The following SPOPL variants were observed in gnomAD, a reference collection of about 807,000 sequenced individuals.
SPOPL encodes speckle-type POZ protein-like.
SPOPL carries 23 observed loss-of-function variants against 53.8 expected under a neutral mutation model. The ratio of observed to expected loss-of-function variants is 0.43; its 90% confidence interval spans 0.31 to 0.61. SPOPL has a LOEUF of 0.61. Ranked by LOEUF, SPOPL falls within the 20% of genes least tolerant of loss-of-function variation. The pLI, the probability that SPOPL is intolerant of heterozygous loss-of-function variation, is 0.12. For synonymous variants in SPOPL, 164 were observed against 149.7 expected (o/e 1.10, Z -0.70); for missense variants, 442 against 466.9 (o/e 0.95, Z 0.49).
intron 1 of SPOPL, among the ~76,000 whole-genome samples, chr2:138,509,009 A>G (rs1684272340): frequency 6.6e-6 from 1 of 152,166 alleles, no homozygotes; most frequent in Non-Finnish European, 1.5e-5. Flanking sequence ...GATAATTATT[A>G]GCATTATATT....
At chr2:138,568,895 A>G (rs761923353) in intron 10 of SPOPL, 41 bp from the exon 11 acceptor site, 1 of 1,606,998 alleles carries the variant, frequency 6.2e-7, no homozygotes, top group Admixed American at 1.7e-5. Flanking sequence ...TGCATTTTGA[A>G]AAGTATTCTT....
intron 1 of SPOPL, among the ~76,000 whole-genome samples, chr2:138,539,965 G>C (rs1685031096): frequency 6.6e-6 from 1 of 152,046 alleles, no homozygotes; most frequent in African/African-American, 2.4e-5. Context: ...TCTACATATG[G>C]CTAGCCAGTT....
chr2:138,566,696 A>G (rs1685665497), intron 10 of SPOPL, among the ~76,000 whole-genome samples: 1 of 152,218 alleles, frequency 6.6e-6, no homozygotes, highest in Non-Finnish European at 1.5e-5. Flanking sequence ...ACATTACTCT[A>G]GCATCTTCTG....
intron 3 of SPOPL, 51 bp from the exon 4 acceptor site, chr2:138,550,849 CGAA>C: frequency 6.5e-7 from 1 of 1,540,318 alleles, no homozygotes; most frequent in Non-Finnish European, 8.8e-7. Context: ...CTCTCTCTCT[CGAA>C]TGCTTTTCAA....
Position 138,572,700 on chromosome 2 carries a change from G to GCACA in SPOPL, c.*3623_*3626dup, listed in dbSNP as rs1297717243. The GCACA allele has an allele frequency of 2.6e-5, 4 of 152,476 alleles. No individual in the cohort carries two copies. The highest frequency in any genetic ancestry group is 9.7e-5 in the African/African-American group (4 of 41,404). 9.4% of individuals were successfully genotyped at this position (152,476 alleles called of 1,614,324 possible). A position where few individuals can be genotyped will look rare whatever the true frequency, so the allele number is the denominator to read the frequency against. ...GACAGCTATAAAGACAGCACTTTCCGCACACAAAGTGTATTTTACAAACCT... is the reference window on the plus strand; with the variant it reads ...GACAGCTATAAAGACAGCACTTTCCGCACACACACAAAGTGTATTTTACAAACCT... On this transcript the variant is annotated 3_prime_UTR_variant, in exon 11 of 11. Transcript: ENST00000280098.
intron 3 of SPOPL, 57 bp from the exon 4 acceptor site, chr2:138,550,846 T>TCTCTCG: frequency 1.3e-6 from 2 of 1,545,382 alleles, no homozygotes; most frequent in Non-Finnish European, 1.7e-6. Flanking sequence ...TCTCTCTCTC[T>TCTCTCG]CTCGAATGCT....
intron 1 of SPOPL, among the ~76,000 whole-genome samples, chr2:138,529,141 A>G (rs1684744766): frequency 6.6e-6 from 1 of 152,166 alleles, no homozygotes; most frequent in South Asian, 2.1e-4. Context: ...ATATTTGGGG[A>G]GAAAAATTAT....
At chr2:138,550,080 CTG>C in intron 1 of SPOPL, 75 bp from the exon 2 acceptor site, 1 of 636,174 alleles carries the variant, frequency 1.6e-6, no homozygotes, top group South Asian at 2.2e-5. Flanking sequence ...TGTTTCATGT[CTG>C]TTTAAATATG....
At chr2:138,527,364 A>G (rs575423699) in intron 1 of SPOPL, among the ~76,000 whole-genome samples, 6 of 152,256 alleles carry the variant, frequency 3.9e-5, no homozygotes, top group East Asian at 1.9e-4. Context: ...GACCTCGTCA[A>G]TCTGACCCAC....
chr2:138,542,037 T>C lies in SPOPL; in HGVS notation c.-60-8120T>C, dbSNP rs146343666. Among the ~76,000 whole-genome samples the C allele has an allele frequency of 9.4e-3, 1,426 of 152,330 alleles. 26 individuals carry two copies. Among genetic ancestry groups the C allele is most frequent in the African/African-American group, 0.033 (1,357 of 41,562 alleles). On this transcript the variant is annotated intron_variant, in intron 1 of 10. Coordinates refer to ENST00000280098, the MANE Select transcript of SPOPL (RefSeq NM_001001664.3). Reference sequence around the variant, plus strand: ...AGCAGGTTGTTCAGTTTCCATGTAATTGAGTGGTTTTGAGTGAGTTTCTTA... The same window carrying C: ...AGCAGGTTGTTCAGTTTCCATGTAACTGAGTGGTTTTGAGTGAGTTTCTTA...
At chr2:138,565,212 T>C (rs1342365754) in intron 10 of SPOPL, among the ~76,000 whole-genome samples, 1 of 152,214 alleles carries the variant, frequency 6.6e-6, no homozygotes, top group East Asian at 1.9e-4. Context: ...CTGTAATATC[T>C]TAAGCGCATA....
intron 1 of SPOPL, among the ~76,000 whole-genome samples, chr2:138,516,054 CAAA>C (rs369306418): frequency 6.6e-6 from 1 of 151,528 alleles, no homozygotes; most frequent in Non-Finnish European, 1.5e-5. Context: ...AGCTAAAAAA[CAAA>C]AAAAACAGAA....
intron 5 of SPOPL, chr2:138,554,502 C>T: frequency 7.8e-7 from 1 of 1,289,524 alleles, no homozygotes; most frequent in East Asian, 5.6e-5. Context: ...AGAACTGCCT[C>T]CTCCCCCTCC....
chr2:138,503,748 C>T (rs1414366863), intron 1 of SPOPL, among the ~76,000 whole-genome samples: 2 of 152,146 alleles, frequency 1.3e-5, no homozygotes, highest in Admixed American at 6.5e-5. Context: ...ATAACAGATT[C>T]ATCATACTGG....
Position 138,559,145 on chromosome 2 carries a change from T to C in SPOPL, c.604T>C (p.Cys202Arg), listed in dbSNP as rs1417252612. Residue 202 changes from cysteine (C) to arginine (R), a missense_variant, in exon 6 of 11, where the codon TGC (cysteine) becomes CGC (arginine). By Grantham distance (180) the Cys-to-Arg change is radical. Coordinates refer to ENST00000280098, the MANE Select transcript of SPOPL (RefSeq NM_001001664.3). ...NLWENTRFTD[C>R]SFFVRGQEFK... ...CTGGGAAAACACAAGATTTACAGAC[T>C]GCAGTTTTTTCGTGAGAGGACAAGA... The C allele has an allele frequency of 6.2e-7, 1 of 1,613,696 alleles. No individual in the cohort carries two copies. Among genetic ancestry groups the C allele is most frequent in the Non-Finnish European group, 8.5e-7 (1 of 1,179,848 alleles).
At chr2:138,566,865 A>G (rs2104908147) in intron 10 of SPOPL, among the ~76,000 whole-genome samples, 1 of 152,342 alleles carries the variant, frequency 6.6e-6, no homozygotes, top group African/African-American at 2.4e-5. Context: ...CAAGCACTTG[A>G]CTAACCCTGG....
At chr2:138,531,220 A>G (rs918607637) in intron 1 of SPOPL, among the ~76,000 whole-genome samples, 1 of 151,880 alleles carries the variant, frequency 6.6e-6, no homozygotes, top group African/African-American at 2.4e-5. Context: ...TTAAAAATCT[A>G]TTTTATTTTT....
chr2:138,546,186 T>C (rs1451493974), intron 1 of SPOPL, among the ~76,000 whole-genome samples: 2 of 152,244 alleles, frequency 1.3e-5, no homozygotes, highest in Non-Finnish European at 2.9e-5. Context: ...GTCTTGTGTA[T>C]GTTTATTTGA....
chr2:138,503,179 T>G (rs1053354078), intron 1 of SPOPL, among the ~76,000 whole-genome samples: 11 of 152,236 alleles, frequency 7.2e-5, no homozygotes, highest in Non-Finnish European at 1.6e-4. Flanking sequence ...TGAGAAATGT[T>G]GCCTAGTGGT....
Sources: allele counts gnomAD v4.1 joint callset (sites outside exome capture counted in the v4.1 genomes callset), GRCh38; gene constraint gnomAD v4.1.1; transcripts MANE v1.5; gene names NCBI Gene and HGNC (gene_info 2026-07-23, HGNC 2026-07-21).